The following MGLL variants were observed in gnomAD, a reference collection of about 807,000 sequenced individuals.
The protein encoded by MGLL is lysophospholipase homolog.
A neutral mutation model predicts 29.1 loss-of-function variants in MGLL; 7 were observed. The ratio of observed to expected loss-of-function variants is 0.24; its 90% confidence interval spans 0.14 to 0.45. The LOEUF (loss-of-function observed/expected upper bound fraction) is 0.45. Ranked by LOEUF, MGLL falls within the 20% of genes least tolerant of loss-of-function variation. MGLL has a pLI of 0.99. For missense variants in MGLL, 356 were observed against 413.6 expected, an observed-to-expected ratio of 0.86 and a Z score of 1.21; for synonymous variants, 148 against 168.3, an observed-to-expected ratio of 0.88 and a Z score of 0.93.
At chr3:127,808,536 G>T (rs986130629) in intron 2 of MGLL, among the ~76,000 whole-genome samples, 14 of 152,178 alleles carry the variant, frequency 9.2e-5, no homozygotes, top group African/African-American at 3.4e-4. Flanking sequence ...ATGATGATAG[G>T]CTAAACTTGT....
intron 5 of MGLL, chr3:127,715,500 G>C (rs2075795977): frequency 2.8e-6 from 1 of 355,280 alleles, no homozygotes; most frequent in South Asian, 2.1e-5. Context: ...GCCATGCAGG[G>C]GCAGGATGTT....
intron 2 of MGLL, among the ~76,000 whole-genome samples, chr3:127,815,968 G>A (rs1017690139): frequency 4.6e-5 from 7 of 152,228 alleles, no homozygotes; most frequent in African/African-American, 2.4e-5. Context: ...TTGGATCCTG[G>A]GAGAGGAGAG....
intron 3 of MGLL, among the ~76,000 whole-genome samples, chr3:127,729,440 G>A (rs191696170): frequency 7.6e-4 from 116 of 152,176 alleles, no homozygotes; most frequent in African/African-American, 2.5e-3. Context: ...TTGTCTTGGT[G>A]TAGGGTAGGA....
Position 127,822,468 on chromosome 3 carries a change from G to C in MGLL, c.-150C>G. The C allele has an allele frequency of 1.3e-6, 1 of 797,740 alleles. No individual in the cohort carries two copies. The highest frequency in any genetic ancestry group is 1.7e-5 in the African/African-American group (1 of 57,304). 49.4% of individuals were successfully genotyped at this position (797,740 alleles called of 1,614,324 possible). ...CACCCAGACCCTGCCTTTCGGGCTG[G>C]GGCGCTCAGCCGGGAGCCTGCTTCC... On this transcript the variant is annotated 5_prime_UTR_variant, in exon 1 of 8. Coordinates refer to ENST00000265052, the MANE Select transcript of MGLL (RefSeq NM_007283.7).
rs1283571641 is a variant in MGLL at position 127,778,827 on chromosome 3, C to T, written c.262+2962G>A. ...GGTACAATGGTGTGATCATGGCTTA[C>T]TGCAGCCTTGAACTCTCAGGCTCAA... On this transcript the variant is annotated intron_variant, in intron 3 of 7. Transcript: ENST00000265052. 8.3e-5 allele frequency among the ~76,000 whole-genome samples: 12 copies of T among 145,236 alleles called. No individual in the cohort carries two copies. In the Admixed American group the frequency reaches 8.5e-4, roughly 10 times the overall value.
Position 127,692,193 on chromosome 3 carries a change from T to C in MGLL, c.*5A>G, listed in dbSNP as rs1227279664. ...AGACCATGAGCCGGGCACCGGCCAA[T>C]GCATTCAGGGTGGGGACGCAGTTCC... is the stretch of plus-strand genomic sequence containing the variant. On this transcript the variant is annotated 3_prime_UTR_variant, in exon 8 of 8. Transcript: ENST00000265052. 1.3e-6 allele frequency: 2 copies of C among 1,588,500 alleles called. No individual in the cohort carries two copies. The highest frequency in any genetic ancestry group is 1.7e-6 in the Non-Finnish European group (2 of 1,168,040).
At chr3:127,718,944 G>A (rs1209420591) in intron 5 of MGLL, among the ~76,000 whole-genome samples, 2 of 152,184 alleles carry the variant, frequency 1.3e-5, no homozygotes, top group Non-Finnish European at 2.9e-5. Context: ...CAGGGTGGAC[G>A]AATGCATCAT....
At position 127,769,101 on chromosome 3, in the gene MGLL, C is replaced by T. The variant is rs376180618; in HGVS notation, c.262+12688G>A. 7.9e-5 allele frequency among the ~76,000 whole-genome samples: 12 copies of T among 152,266 alleles called. No individual in the cohort carries two copies. In the South Asian group the frequency reaches 1.7e-3, roughly 21 times the overall value. ...GAGCGGTGGCTTATGCCTGTAATCC[C>T]GGCACTTTGGGAGGCTGAGGTGGGC... On this transcript the variant is annotated intron_variant, in intron 3 of 7. Transcript: ENST00000265052.
chr3:127,821,536 T>G (rs951300575), intron 2 of MGLL, among the ~76,000 whole-genome samples, 158 bp downstream of exon 2: 13 of 152,222 alleles, frequency 8.5e-5, no homozygotes, highest in African/African-American at 3.1e-4. Flanking sequence ...AGTATACATT[T>G]TAGCTTTGTT....
At chr3:127,782,309 G>C (rs1415901796) in intron 2 of MGLL, among the ~76,000 whole-genome samples, 2 of 152,154 alleles carry the variant, frequency 1.3e-5, no homozygotes, top group African/African-American at 4.8e-5. Flanking sequence ...GCAACACCAG[G>C]AGCCACACCA....
At chr3:127,735,674 T>C (rs761798806) in intron 3 of MGLL, 1 of 1,582,846 alleles carries the variant, frequency 6.3e-7, no homozygotes, top group South Asian at 1.1e-5. Context: ...CATCAAGTTG[T>C]TGGGGGAATA....
At chr3:127,700,289 A>T (rs1228011802) in intron 6 of MGLL, among the ~76,000 whole-genome samples, 1 of 152,198 alleles carries the variant, frequency 6.6e-6, no homozygotes, top group Non-Finnish European at 1.5e-5. Flanking sequence ...GGCCGGAGAC[A>T]TAATTTGTGG....
At chr3:127,715,575 C>T (rs933028887) in intron 5 of MGLL, 1 of 420,916 alleles carries the variant, frequency 2.4e-6, no homozygotes, top group Non-Finnish European at 4.8e-6. Flanking sequence ...ATTTCATGAG[C>T]CTAATCTCTC....
chr3:127,743,811 G>A (rs2076390864), intron 3 of MGLL, among the ~76,000 whole-genome samples: 1 of 152,106 alleles, frequency 6.6e-6, no homozygotes, highest in Non-Finnish European at 1.5e-5. Flanking sequence ...ACAGCTTGTT[G>A]GCCTGGAAAA....
intron 2 of MGLL, among the ~76,000 whole-genome samples, chr3:127,802,312 C>A (rs1050837717): frequency 6.6e-6 from 1 of 152,062 alleles, no homozygotes; most frequent in African/African-American, 2.4e-5. Flanking sequence ...GCAAACAGGA[C>A]CAAAGTGTGG....
rs187041602 is a variant in MGLL, at chr3:127,709,890, C to T, written c.600+686G>A. On this transcript the variant is annotated intron_variant, in intron 6 of 7. Coordinates refer to ENST00000265052, the MANE Select transcript of MGLL (RefSeq NM_007283.7). ...GCAAGTCATCCCACGTTATGGGGCT[C>T]AGTTTGCTCATCTGCAATATGGGTC... is the stretch of plus-strand genomic sequence containing the variant. Among the ~76,000 whole-genome samples, 794 of 152,294 alleles carry T rather than the reference C, an allele frequency of 5.2e-3. 6 individuals are homozygous for T. The highest frequency in any genetic ancestry group is 0.018 in the African/African-American group (749 of 41,548).
At chr3:127,794,303 G>C in intron 2 of MGLL, among the ~76,000 whole-genome samples, 1 of 152,078 alleles carries the variant, frequency 6.6e-6, no homozygotes, top group Non-Finnish European at 1.5e-5. Context: ...AAATTAGCTG[G>C]GCATGGTGGC....
At chr3:127,731,086 T>C (rs2076141840) in intron 3 of MGLL, among the ~76,000 whole-genome samples, 1 of 152,270 alleles carries the variant, frequency 6.6e-6, no homozygotes, top group Admixed American at 6.5e-5. Flanking sequence ...TAGCTATAGC[T>C]GATGCAATAT....
At chr3:127,785,738 G>T (rs2077201297) in intron 2 of MGLL, among the ~76,000 whole-genome samples, 1 of 152,234 alleles carries the variant, frequency 6.6e-6, no homozygotes, top group Non-Finnish European at 1.5e-5. Flanking sequence ...ATGTGAATGT[G>T]AGCTTATTAC....
Sources: allele counts gnomAD v4.1 joint callset (sites outside exome capture counted in the v4.1 genomes callset), GRCh38; gene constraint gnomAD v4.1.1; transcripts MANE v1.5; gene names NCBI Gene and HGNC (gene_info 2026-07-23, HGNC 2026-07-21).